Variants in TSGA10IP observed in about 807,000 individuals in gnomAD.
The protein encoded by TSGA10IP is testis specific 10 interacting protein.
TSGA10IP carries 64 observed loss-of-function variants against 63.2 expected under a neutral mutation model. The observed-to-expected ratio is 1.01, with a 90% confidence interval of 0.83 to 1.25. The LOEUF is 1.25. TSGA10IP is among the 50% of genes most tolerant of loss of function. The pLI is 0.00. For missense variants in TSGA10IP, 681 were observed against 710.1 expected (o/e 0.96, Z 0.47); for synonymous variants, 316 against 298.3 (o/e 1.06, Z -0.61).
chr11:65,948,699 C>A (rs375498967), intron 4 of TSGA10IP, among the ~76,000 whole-genome samples: 6 of 152,082 alleles, frequency 3.9e-5, no homozygotes, highest in African/African-American at 1.4e-4. Context: ...AGGGGCCGGG[C>A]GTGGTGGCTC....
At chr11:65,945,636 T>C in exon 1 of TSGA10IP, 1 of 1,601,930 alleles carries the variant, frequency 6.2e-7, no homozygotes, top group Non-Finnish European at 8.5e-7. Flanking sequence ...AGAGATGGCC[T>C]GTTAGGCAGT....
At position 65,958,879 on chromosome 11, in the gene TSGA10IP, G is replaced by A. The variant is rs1321338556; in HGVS notation, c.1323-4G>A. 1.8e-5 allele frequency: 29 copies of A among 1,611,336 alleles called. No homozygotes were observed. The highest frequency in any genetic ancestry group is 2.5e-5 in the Non-Finnish European group (29 of 1,178,788). On this transcript the variant is annotated splice_polypyrimidine_tract_variant and splice_region_variant and intron_variant, in intron 5 of 7. Transcript: ENST00000532620. Reference sequence around the variant, plus strand: ...AGCTGCACAAAGGCCTGTCTCCCCTGCAGGCGCCAGGAGCGACAGCGCTTT... The same window carrying A: ...AGCTGCACAAAGGCCTGTCTCCCCTACAGGCGCCAGGAGCGACAGCGCTTT...
chr11:65,958,195 T>C (rs1855057336), intron 5 of TSGA10IP, among the ~76,000 whole-genome samples: 1 of 152,240 alleles, frequency 6.6e-6, no homozygotes. Context: ...TCCACCCTCC[T>C]TGGCCTTCCA....
intron 7 of TSGA10IP, 116 bp from the exon 8 acceptor site, chr11:65,959,701 C>T (rs2134892906): frequency 7.1e-7 from 1 of 1,404,674 alleles, no homozygotes; most frequent in Non-Finnish European, 9.5e-7. Context: ...GTCACTTTGC[C>T]CAGGATCACA....
rs371026018 is a variant in TSGA10IP, at chr11:65,959,258, G to A, written c.1491G>A (p.Glu497=). 41 of 1,610,456 alleles carry A rather than the reference G, an allele frequency of 2.5e-5. No homozygotes were observed. The Middle Eastern group carries it at 5.9e-4, about 23-fold the overall frequency. ...TGTCAGCACTGGGGCTGGATGAGGA[G>A]CAGCTGCTGTCTGAGGCAGGAAAGG... is the stretch of plus-strand genomic sequence containing the variant. The change falls in exon 7 of 8, where the codon GAG becomes GAA. Residue 497 remains glutamate (E), a synonymous_variant. Transcript: ENST00000532620.
intron 5 of TSGA10IP, among the ~76,000 whole-genome samples, chr11:65,958,294 T>A (rs2134889357): frequency 6.6e-6 from 1 of 152,324 alleles, no homozygotes; most frequent in East Asian, 1.9e-4. Context: ...GGAACCCTGA[T>A]CTCTCAGGGG....
At chr11:65,947,891 C>A in intron 3 of TSGA10IP, 63 bp downstream of exon 3, 6 of 1,506,210 alleles carry the variant, frequency 4.0e-6, no homozygotes, top group Non-Finnish European at 5.3e-6. Context: ...AGGGAGCAGT[C>A]AGGGAGGCAG....
Position 65,955,612 on chromosome 11 carries a change from CAA to C in TSGA10IP, c.1322+1888_1322+1889del, listed in dbSNP as rs112447996. Among the ~76,000 whole-genome samples the C allele has an allele frequency of 1.3e-3, 161 of 122,414 alleles. 1 individual carries two copies. The highest frequency in any genetic ancestry group is 3.5e-3 in the African/African-American group (120 of 34,174). The allele number at this position is 122,414 out of a possible 152,430, so 80.3% of individuals were successfully genotyped here. ...TGGGTGACAGAGAAAGACTCCGTTT[CAA>C]AAAAAAAAAAAAGAGTTAGGTGCTG... On this transcript the variant is annotated intron_variant, in intron 5 of 7. Coordinates refer to ENST00000532620, the Ensembl canonical transcript of TSGA10IP.
At chr11:65,945,894 G>A in intron 1 of TSGA10IP, 72 bp downstream of exon 1, 5 of 1,552,972 alleles carry the variant, frequency 3.2e-6, no homozygotes, top group Non-Finnish European at 4.4e-6. Context: ...GGGCTGGGGA[G>A]GCCCTTGAGA....
chr11:65,945,496 G>A, exon 1 of TSGA10IP: 2 of 658,504 alleles, frequency 3.0e-6, no homozygotes, highest in Non-Finnish European at 5.1e-6. Context: ...CTGGGTCTCT[G>A]CGCTAAATGA....
At chr11:65,949,850 G>GTTTTTTTTT (rs377116599) in intron 4 of TSGA10IP, among the ~76,000 whole-genome samples, 2 of 101,700 alleles carry the variant, frequency 2.0e-5, no homozygotes, top group Non-Finnish European at 3.6e-5. Flanking sequence ...CATTACCTCG[G>GTTTTTTTTT]TTTTTTTTTT....
At chr11:65,945,695 T>C (rs780740956) in exon 1 of TSGA10IP, 12 of 1,611,512 alleles carry the variant, frequency 7.4e-6, no homozygotes, top group African/African-American at 1.4e-5. Context: ...GACACCGATA[T>C]GCTAAATACC....
At chr11:65,959,198 C>T in exon 7 of TSGA10IP, 3 of 1,604,658 alleles carry the variant, frequency 1.9e-6, no homozygotes, top group Non-Finnish European at 2.5e-6. Context: ...AGGCCAATGC[C>T]CGGCTCACCG....
intron 5 of TSGA10IP, among the ~76,000 whole-genome samples, chr11:65,958,329 T>C (rs188057677): frequency 1.1e-4 from 16 of 151,678 alleles, no homozygotes; most frequent in Admixed American, 6.6e-4. Flanking sequence ...TTGAAACATA[T>C]TTTTTTTTAG....
intron 5 of TSGA10IP, among the ~76,000 whole-genome samples, chr11:65,954,605 A>G (rs903717130): frequency 6.6e-6 from 1 of 152,008 alleles, no homozygotes; most frequent in Non-Finnish European, 1.5e-5. Context: ...GAAAAAGTTT[A>G]TTGCAAAGCA....
In TSGA10IP at chr11:65,947,128, T is replaced by TCGGAAACCCTCCTTCCC. The variant is rs1191021431; in HGVS notation, c.305_321dup (p.Phe108GlyfsTer68). The TCGGAAACCCTCCTTCCC allele has an allele frequency of 1.2e-6, 2 of 1,611,246 alleles. No individual in the cohort carries two copies. The highest frequency in any genetic ancestry group is 3.3e-5 in the Admixed American group (2 of 59,746). On this transcript the variant is annotated frameshift_variant, in exon 3 of 8. Transcript: ENST00000532620. LOFTEE classifies it high-confidence loss of function. ...TCTTCAGTCACTTCCCGCTTCTTCC[T>TCGGAAACCCTCCTTCCC]CGGAAACCCTCCTTCCCCTTCCAGT...
chr11:65,954,680 C>T (rs892347012), intron 5 of TSGA10IP, among the ~76,000 whole-genome samples: 1 of 151,844 alleles, frequency 6.6e-6, no homozygotes, highest in Non-Finnish European at 1.5e-5. Flanking sequence ...TAGCCAGGTG[C>T]GGTGGCACAT....
chr11:65,956,921 T>C (rs1855034185), intron 5 of TSGA10IP, among the ~76,000 whole-genome samples: 1 of 152,182 alleles, frequency 6.6e-6, no homozygotes, highest in Non-Finnish European at 1.5e-5. Flanking sequence ...CTCACTCCTT[T>C]TACTTTCTAT....
chr11:65,957,786 T>C (rs572168227), intron 5 of TSGA10IP, among the ~76,000 whole-genome samples: 2 of 152,168 alleles, frequency 1.3e-5, no homozygotes, highest in East Asian at 1.9e-4. Context: ...CTCCTGTCCA[T>C]GGGTGCTGCC....
Sources: allele counts gnomAD v4.1 joint callset (sites outside exome capture counted in the v4.1 genomes callset), GRCh38; gene constraint gnomAD v4.1.1; transcripts MANE v1.5; gene names NCBI Gene and HGNC (gene_info 2026-07-23, HGNC 2026-07-21).